Variants in INPP4A observed in about 807,000 individuals in gnomAD.
INPP4A encodes the protein inositol polyphosphate-4-phosphatase, type I, 107kD.
Under a neutral mutation model 119.8 loss-of-function variants are expected in INPP4A, and 33 were observed. The ratio of observed to expected loss-of-function variants is 0.28; its 90% CI spans 0.21 to 0.37. The LOEUF (loss-of-function observed/expected upper bound fraction) is 0.37, where lower values mean the gene tolerates loss of function less well. Among genes scored for constraint, INPP4A ranks in the 10% least tolerant of loss-of-function variants. INPP4A has a pLI of 1.00. For missense variants in INPP4A, 956 were observed against 1,289.9 expected, an observed-to-expected ratio of 0.74 and a Z score of 3.97; for synonymous variants, 496 against 500.7, an observed-to-expected ratio of 0.99 and a Z score of 0.12.
chr2:98,558,231 G>A (rs563716257), intron 16 of INPP4A, among the ~76,000 whole-genome samples: 1 of 152,078 alleles, frequency 6.6e-6, no homozygotes, highest in Non-Finnish European at 1.5e-5. Context: ...TAGCTGTTTG[G>A]GATCACCACA....
intron 6 of INPP4A, 58 bp downstream of exon 6, chr2:98,535,903 C>T (rs972819357): frequency 5.7e-6 from 5 of 872,318 alleles, no homozygotes; most frequent in Middle Eastern, 4.3e-4. Context: ...ATTATATAAT[C>T]GTTTGAATGA....
chr2:98,488,207 T>C (rs1348443481), intron 1 of INPP4A, among the ~76,000 whole-genome samples: 1 of 152,182 alleles, frequency 6.6e-6, no homozygotes, highest in Non-Finnish European at 1.5e-5. Context: ...TCCAGGCTCA[T>C]CTTGTGTATC....
intron 1 of INPP4A, among the ~76,000 whole-genome samples, chr2:98,450,978 C>T (rs1380777561): frequency 2.6e-5 from 4 of 152,118 alleles, no homozygotes; most frequent in Non-Finnish European, 4.4e-5. Flanking sequence ...ACCATGTTGG[C>T]CAGGCTGTTC....
rs2278207 is a variant in INPP4A, at chr2:98,546,798, T to A, written c.1163+104T>A. On this transcript the variant is annotated intron_variant, in intron 13 of 24. Transcript: ENST00000409851. The surrounding 1 kb of genome is among the most constrained non-coding windows in gnomAD (Gnocchi z 4.2). The stretch of plus-strand genomic sequence containing the variant: ...ATGACCGCAAAAACACCCAGCCATC[T>A]GATCTGCTTTTGCGTGGCAGGAGGA... The A allele has an allele frequency of 0.25, 183,013 of 739,928 alleles. 23,803 individuals carry two copies. The highest frequency in any genetic ancestry group is 0.32 in the Middle Eastern group (1,319 of 4,168). 45.8% of individuals were successfully genotyped at this position (739,928 alleles called of 1,614,324 possible). A position where few individuals can be genotyped will look rare whatever the true frequency, so the allele number is the denominator to read the frequency against.
chr2:98,585,926 T>G (rs1559129093), intron 24 of INPP4A, among the ~76,000 whole-genome samples: 1 of 152,248 alleles, frequency 6.6e-6, no homozygotes, highest in African/African-American at 2.4e-5. Context: ...TTTGTACATT[T>G]CTATATAAAT....
intron 4 of INPP4A, among the ~76,000 whole-genome samples, chr2:98,523,034 C>T (rs1483819340): frequency 1.3e-5 from 2 of 152,146 alleles, no homozygotes; most frequent in African/African-American, 4.8e-5. Flanking sequence ...TAAAGAGGGA[C>T]CACACTGAGC....
chr2:98,587,687 A>T lies in INPP4A; in HGVS notation c.*79A>T. 2.7e-6 allele frequency: 3 copies of T among 1,099,616 alleles called. No homozygotes were observed. The highest frequency in any genetic ancestry group is 2.6e-6 in the Non-Finnish European group (2 of 775,552). 68.1% of individuals were successfully genotyped at this position (1,099,616 alleles called of 1,614,324 possible). ...TGTCATATATGAATTCTTCAAGAAG[A>T]CCTGAAGGATTGGTTTTTATTTTTT... is the stretch of plus-strand genomic sequence containing the variant. On this transcript the variant is annotated 3_prime_UTR_variant, in exon 25 of 25. Coordinates refer to ENST00000409851, the MANE Select transcript of INPP4A (RefSeq NM_001134225.2).
intron 1 of INPP4A, among the ~76,000 whole-genome samples, chr2:98,518,283 C>G (rs1028568252): frequency 2.6e-5 from 4 of 152,358 alleles, no homozygotes; most frequent in African/African-American, 9.6e-5. Flanking sequence ...CAGAGATGCC[C>G]AGACTGAAGG....
At chr2:98,506,628 C>T (rs1684100611) in intron 1 of INPP4A, among the ~76,000 whole-genome samples, 2 of 152,232 alleles carry the variant, frequency 1.3e-5, no homozygotes, top group Admixed American at 6.5e-5. Flanking sequence ...TGGTCTCCTC[C>T]TCTCTTGACC....
chr2:98,538,807 G>T, intron 8 of INPP4A, 84 bp from the exon 9 acceptor site: 1 of 768,176 alleles, frequency 1.3e-6, no homozygotes. Flanking sequence ...CTGTTATGAT[G>T]TATTTAGGCC....
At chr2:98,448,332 G>A (rs1694607829) in intron 1 of INPP4A, among the ~76,000 whole-genome samples, 1 of 144,770 alleles carries the variant, frequency 6.9e-6, no homozygotes, top group Admixed American at 7.0e-5. Context: ...CTCTAGCCTA[G>A]GCAGCAGAGT....
chr2:98,517,049 C>G (rs185791515), intron 1 of INPP4A, among the ~76,000 whole-genome samples: 1 of 151,970 alleles, frequency 6.6e-6, no homozygotes, highest in Non-Finnish European at 1.5e-5. Context: ...GTGTGTAACC[C>G]GCACCCAGAT....
chr2:98,534,312 G>A (rs1290503571), intron 5 of INPP4A, among the ~76,000 whole-genome samples: 1 of 152,212 alleles, frequency 6.6e-6, no homozygotes, highest in Non-Finnish European at 1.5e-5. Context: ...CTGGTGGGTG[G>A]GGAGGCAGAA....
chr2:98,472,851 C>T (rs1053542712), intron 1 of INPP4A, among the ~76,000 whole-genome samples: 2 of 152,238 alleles, frequency 1.3e-5, no homozygotes, highest in Non-Finnish European at 2.9e-5. Context: ...AGCCTCCAGG[C>T]CTCCCTCTCC....
rs1692452771 is a variant in INPP4A at position 98,546,200 on chromosome 2, T to G, written c.1054+127T>G. On this transcript the variant is annotated intron_variant, in intron 12 of 24. Coordinates refer to ENST00000409851, the MANE Select transcript of INPP4A (RefSeq NM_001134225.2). The surrounding 1 kb of genome is among the most constrained non-coding windows in gnomAD (Gnocchi z 4.2). ...CTCTGGGCGGCTCGGAGGAGAGATT[T>G]GTCACAAGGACCTTCAAAAGGTTTC... The G allele has an allele frequency of 6.2e-6, 4 of 645,966 alleles. No individual in the cohort carries two copies. Among genetic ancestry groups the G allele is most frequent in the South Asian group, 2.0e-5 (1 of 51,078 alleles). 40.0% of individuals were successfully genotyped at this position (645,966 alleles called of 1,614,324 possible).
chr2:98,471,709 C>T (rs964876375), intron 1 of INPP4A, among the ~76,000 whole-genome samples: 2 of 152,210 alleles, frequency 1.3e-5, no homozygotes, highest in Admixed American at 6.5e-5. Flanking sequence ...CTATAAATGT[C>T]GAAGCCTCCC....
intron 1 of INPP4A, among the ~76,000 whole-genome samples, chr2:98,495,826 CTT>C (rs1681821351): frequency 6.6e-6 from 1 of 152,074 alleles, no homozygotes; most frequent in Non-Finnish European, 1.5e-5. Flanking sequence ...GTGCCAGACT[CTT>C]AGTTAATTCT....
At chr2:98,526,498 G>A (rs536197754) in intron 4 of INPP4A, among the ~76,000 whole-genome samples, 17 of 152,230 alleles carry the variant, frequency 1.1e-4, no homozygotes, top group Middle Eastern at 3.4e-3. Flanking sequence ...AGAATGATGA[G>A]GGCATATATG....
chr2:98,508,639 G>T (rs1318931317), intron 1 of INPP4A, among the ~76,000 whole-genome samples: 2 of 152,178 alleles, frequency 1.3e-5, no homozygotes, highest in East Asian at 3.9e-4. Flanking sequence ...TATGTGACAC[G>T]CTGGAAGGAC....
Sources: allele counts gnomAD v4.1 joint callset (sites outside exome capture counted in the v4.1 genomes callset), GRCh38; gene constraint gnomAD v4.1.1; non-coding constraint Gnocchi (gnomAD v3.1); transcripts MANE v1.5; gene names NCBI Gene and HGNC (gene_info 2026-07-23, HGNC 2026-07-21).